MTUS2: variants seen among roughly 807,000 people sequenced by gnomAD.
The protein encoded by MTUS2 is microtubule-associated tumor suppressor candidate 2.
A neutral mutation model predicts 114.1 loss-of-function variants in MTUS2; 40 were observed. The observed-to-expected ratio is 0.35, with a 90% CI of 0.27 to 0.46. MTUS2 has a LOEUF of 0.46. Among genes scored for constraint, MTUS2 ranks in the 20% least tolerant of loss-of-function variants. The probability of loss-of-function intolerance (pLI) is 1.00; values close to 1 mark genes in which losing one functional copy is unlikely to be tolerated. For missense variants in MTUS2, 1,679 were observed against 1,705.4 expected (o/e 0.98, Z 0.27); for synonymous variants, 688 against 672.0 (o/e 1.02, Z -0.37).
At chr13:28,971,008 C>T (rs865830358) in intron 2 of MTUS2, among the ~76,000 whole-genome samples, 3 of 152,226 alleles carry the variant, frequency 2.0e-5, no homozygotes, top group Middle Eastern at 6.8e-3. Flanking sequence ...AAGCAGTACT[C>T]GATAGTTATT....
chr13:28,998,051 T>G (rs892354136), intron 2 of MTUS2, among the ~76,000 whole-genome samples: 6 of 152,148 alleles, frequency 3.9e-5, no homozygotes, highest in African/African-American at 1.2e-4. Context: ...TCCATGTTTA[T>G]TGCTTCCTTC....
At chr13:28,894,580 C>G (rs1342024549) in intron 2 of MTUS2, among the ~76,000 whole-genome samples, 1 of 152,174 alleles carries the variant, frequency 6.6e-6, no homozygotes, top group African/African-American at 2.4e-5. Flanking sequence ...CCCAAGCTGA[C>G]CAATACAGTG....
chr13:28,868,753 C>A (rs983753384), intron 2 of MTUS2, among the ~76,000 whole-genome samples: 1 of 152,156 alleles, frequency 6.6e-6, no homozygotes, highest in African/African-American at 2.4e-5. Flanking sequence ...AGCAAGAGAA[C>A]TATAATTTTA....
intron 5 of MTUS2, among the ~76,000 whole-genome samples, chr13:29,158,999 A>G (rs900446881): frequency 2.0e-5 from 3 of 152,202 alleles, no homozygotes; most frequent in Admixed American, 6.5e-5. Flanking sequence ...CTCTAAGAGC[A>G]GATTTCCTAA....
chr13:29,433,221 T>C (rs1484249409), intron 8 of MTUS2, among the ~76,000 whole-genome samples: 1 of 152,246 alleles, frequency 6.6e-6, no homozygotes, highest in Non-Finnish European at 1.5e-5. Context: ...TTTTACCCAG[T>C]GACTCTTCCC....
chr13:29,198,613 A>G (rs745947890), intron 5 of MTUS2, among the ~76,000 whole-genome samples: 24 of 152,226 alleles, frequency 1.6e-4, no homozygotes, highest in African/African-American at 2.4e-4. Context: ...AAGAAAGTCA[A>G]TGGTAGCTTG....
chr13:29,318,391 C>CTTTTTTTTTTTTTTTTTTTTTTTTTTT (rs71090240), intron 6 of MTUS2, among the ~76,000 whole-genome samples: 4 of 135,030 alleles, frequency 3.0e-5, no homozygotes, highest in African/African-American at 5.7e-5. Flanking sequence ...ATTTCTTTTT[C>CTTTTTTTTTTTTTTTTTTTTTTTTTTT]TTTTTTTTTT....
intron 1 of MTUS2, among the ~76,000 whole-genome samples, 171 bp downstream of exon 1, chr13:28,820,782 C>T (rs766774702): frequency 8.5e-5 from 13 of 152,204 alleles, no homozygotes; most frequent in Non-Finnish European, 1.6e-4. Flanking sequence ...CTGCCCACAT[C>T]ACCTGCTCTG....
At chr13:28,906,323 T>C (rs1373696089) in intron 2 of MTUS2, among the ~76,000 whole-genome samples, 1 of 151,214 alleles carries the variant, frequency 6.6e-6, no homozygotes, top group Non-Finnish European at 1.5e-5. Flanking sequence ...CTCTTGCTTT[T>C]CTAGTTCTTT....
intron 9 of MTUS2, among the ~76,000 whole-genome samples, chr13:29,470,212 C>CA (rs1485902879): frequency 2.0e-5 from 3 of 152,126 alleles, no homozygotes; most frequent in Admixed American, 1.3e-4. Flanking sequence ...TTTAATAACT[C>CA]AGTACTGTAT....
intron 4 of MTUS2, among the ~76,000 whole-genome samples, chr13:29,074,031 T>C (rs945174469): frequency 2.0e-5 from 3 of 152,114 alleles, no homozygotes; most frequent in African/African-American, 7.2e-5. Flanking sequence ...TTTCTCTCTT[T>C]ATTGGCTGCC....
chr13:29,344,413 GT>G (rs774972916), intron 7 of MTUS2, among the ~76,000 whole-genome samples: 7 of 151,932 alleles, frequency 4.6e-5, no homozygotes, highest in Non-Finnish European at 8.8e-5. Flanking sequence ...GTTCCTCTTT[GT>G]CTTTTTTAAC....
At chr13:29,502,880 T>A in intron 15 of MTUS2, 113 bp from the exon 16 acceptor site, 1 of 1,040,176 alleles carries the variant, frequency 9.6e-7, no homozygotes, top group South Asian at 1.5e-5. Flanking sequence ...CCCTGGTCCC[T>A]GTTCTCCCTG....
intron 4 of MTUS2, among the ~76,000 whole-genome samples, chr13:29,069,983 C>G (rs1346734898): frequency 2.0e-5 from 3 of 152,322 alleles, no homozygotes; most frequent in South Asian, 4.1e-4. Context: ...ATTTTCTACA[C>G]TCTTCCCTTC....
intron 4 of MTUS2, among the ~76,000 whole-genome samples, chr13:29,034,347 C>T (rs1886966775): frequency 6.6e-6 from 1 of 152,144 alleles, no homozygotes; most frequent in Non-Finnish European, 1.5e-5. Context: ...TACTACCATC[C>T]AGCTTTTCAT....
At chr13:28,929,093 A>G (rs563957667) in intron 2 of MTUS2, among the ~76,000 whole-genome samples, 1 of 152,096 alleles carries the variant, frequency 6.6e-6, no homozygotes, top group Non-Finnish European at 1.5e-5. Flanking sequence ...GTTCTCCCTC[A>G]TACGTCAAAA....
At chr13:28,893,857 A>G (rs1879072606) in intron 2 of MTUS2, among the ~76,000 whole-genome samples, 1 of 152,100 alleles carries the variant, frequency 6.6e-6, no homozygotes, top group Non-Finnish European at 1.5e-5. Context: ...AGATTTGCAA[A>G]TTTTTATGAC....
intron 4 of MTUS2, among the ~76,000 whole-genome samples, chr13:29,071,057 T>C (rs1469221954): frequency 2.3e-5 from 3 of 133,162 alleles, no homozygotes; most frequent in African/African-American, 8.2e-5. Flanking sequence ...CAGGCTGGAG[T>C]GTAGTGGTGC....
intron 5 of MTUS2, among the ~76,000 whole-genome samples, chr13:29,143,076 G>C (rs1892292665): frequency 6.6e-6 from 1 of 152,200 alleles, no homozygotes; most frequent in Non-Finnish European, 1.5e-5. Flanking sequence ...ATTGAACAGT[G>C]GGCGCCAGGA....
Sources: gnomAD v4.1 joint callset for allele counts (sites outside exome capture counted in the v4.1 genomes callset) on GRCh38, gnomAD v4.1.1 for gene constraint, MANE v1.5 for transcripts, NCBI Gene and HGNC (gene_info 2026-07-23, HGNC 2026-07-21) for gene names.